Variants in ADAMTS17 observed in about 807,000 individuals in gnomAD.
ADAMTS17 encodes A disintegrin and metalloproteinase with thrombospondin motifs 17.
A neutral mutation model predicts 141.5 loss-of-function variants in ADAMTS17; 113 were observed. That is an observed-to-expected ratio of 0.80 (90% CI 0.69 to 0.93). ADAMTS17 has a LOEUF of 0.93. ADAMTS17 is among the 40% of genes least tolerant of loss of function. The probability of loss-of-function intolerance (pLI) is 0.00; values close to 1 mark genes in which losing one functional copy is unlikely to be tolerated. For missense variants in ADAMTS17, 1,659 were observed against 1,517.9 expected (o/e 1.09, Z -1.54); for synonymous variants, 768 against 630.6 (o/e 1.22, Z -3.27).
At chr15:100,299,631 G>A (rs911305166) in intron 3 of ADAMTS17, among the ~76,000 whole-genome samples, 9 of 152,180 alleles carry the variant, frequency 5.9e-5, no homozygotes, top group South Asian at 2.1e-4. Flanking sequence ...AGAAATCGAC[G>A]GCTTCTCTGC....
chr15:100,099,412 C>A (rs2054569), intron 14 of ADAMTS17, among the ~76,000 whole-genome samples: 22,249 of 152,114 alleles, frequency 0.15, 1,938 homozygotes, highest in Admixed American at 0.21. Flanking sequence ...ATGGAAGCTG[C>A]CATAGGACAC....
chr15:100,047,408 A>G (rs1397355199), intron 18 of ADAMTS17, among the ~76,000 whole-genome samples: 1 of 151,476 alleles, frequency 6.6e-6, no homozygotes, highest in African/African-American at 2.4e-5. Context: ...GAAAATCCCT[A>G]ATAAAAACTT....
intron 7 of ADAMTS17, among the ~76,000 whole-genome samples, chr15:100,223,737 TGTATGTGTATATATATATAC>T (rs2042211085): frequency 6.9e-6 from 1 of 144,034 alleles, no homozygotes; most frequent in African/African-American, 2.8e-5. Flanking sequence ...TATATACACA[TGTATGTGTATATATATATAC>T]ACACACACAT....
At chr15:100,122,157 C>G (rs1317499793) in intron 12 of ADAMTS17, among the ~76,000 whole-genome samples, 3 of 152,198 alleles carry the variant, frequency 2.0e-5, no homozygotes, top group African/African-American at 7.2e-5. Flanking sequence ...TGCTCTGCCT[C>G]AGACCTAAAG....
chr15:100,038,139 G>A (rs991835238), intron 18 of ADAMTS17, among the ~76,000 whole-genome samples: 2 of 152,184 alleles, frequency 1.3e-5, no homozygotes, highest in African/African-American at 4.8e-5. Context: ...TTTCTCCACT[G>A]ATTGCTGTTG....
At chr15:100,219,639 T>C (rs918845791) in intron 7 of ADAMTS17, among the ~76,000 whole-genome samples, 2 of 152,190 alleles carry the variant, frequency 1.3e-5, no homozygotes, top group African/African-American at 4.8e-5. Context: ...TTTCACCTTC[T>C]AGTTGGCTCA....
intron 15 of ADAMTS17, among the ~76,000 whole-genome samples, chr15:100,095,782 A>G (rs2035718344): frequency 6.6e-6 from 1 of 152,130 alleles, no homozygotes; most frequent in South Asian, 2.1e-4. Flanking sequence ...AAGCAGAAAG[A>G]TGAAGCCGGC....
chr15:100,005,811 G>A (rs1043979094), intron 18 of ADAMTS17, among the ~76,000 whole-genome samples: 1 of 152,152 alleles, frequency 6.6e-6, no homozygotes, highest in Non-Finnish European at 1.5e-5. Flanking sequence ...CAGTTTTGGA[G>A]GCCAGAAGTC....
At chr15:100,102,595 AGATCTACATTTGAAGGCCGACTGAAAGG>A (rs1310867462) in intron 14 of ADAMTS17, among the ~76,000 whole-genome samples, 2 of 148,658 alleles carry the variant, frequency 1.3e-5, no homozygotes, top group Non-Finnish European at 3.0e-5. Context: ...CTACTGAAGG[AGATCTACATTTGAAGGCCGACTGAAAGG>A]GATCCACATT....
chr15:100,100,396 C>A (rs2036023092), intron 14 of ADAMTS17, among the ~76,000 whole-genome samples: 1 of 152,180 alleles, frequency 6.6e-6, no homozygotes, highest in Non-Finnish European at 1.5e-5. Context: ...CTTAAGCCCA[C>A]TTCTCCCCTC....
Position 100,323,870 on chromosome 15 carries a change from T to G in ADAMTS17, c.616+7019A>C, listed in dbSNP as rs185781497. Among the ~76,000 whole-genome samples the G allele has an allele frequency of 4.4e-3, 675 of 152,018 alleles. 10 individuals carry two copies. Among genetic ancestry groups the G allele is most frequent in the Admixed American group, 0.039 (593 of 15,264 alleles). On this transcript the variant is annotated intron_variant, in intron 3 of 21. Coordinates refer to ENST00000268070, the MANE Select transcript of ADAMTS17 (RefSeq NM_139057.4). ...ACAGTATGCAGTTTATGACTATATA[T>G]CATAATCGCTATAAAAGTACAAAAA...
At chr15:100,081,052 C>T (rs2034700855) in intron 15 of ADAMTS17, among the ~76,000 whole-genome samples, 1 of 152,060 alleles carries the variant, frequency 6.6e-6, no homozygotes, top group South Asian at 2.1e-4. Context: ...GAGGGTGTTG[C>T]CAAAAGAGTT....
At position 99,993,104 on chromosome 15, in the gene ADAMTS17, C is replaced by T; in HGVS notation, c.2893G>A (p.Glu965Lys). 1.2e-6 allele frequency: 2 copies of T among 1,614,170 alleles called. No individual in the cohort carries two copies. Among genetic ancestry groups the T allele is most frequent in the East Asian group, 4.5e-5 (2 of 44,870 alleles). ...CAGCCTGAGTAGTCCTCGCAGGCCT[C>T]CTCGGCTCTCGGCCTCGTGGATGCG... is the stretch of plus-strand genomic sequence containing the variant. ...CDASTRPRAE[E>K]ACEDYSGCYE... Residue 965 changes from glutamate (E) to lysine (K), a missense_variant, in exon 20 of 22, where the codon GAG becomes AAG. Coordinates refer to ENST00000268070, the MANE Select transcript of ADAMTS17 (RefSeq NM_139057.4). The surrounding 1 kb of genome is among the most constrained non-coding windows in gnomAD (Gnocchi z 4.3).
intron 7 of ADAMTS17, among the ~76,000 whole-genome samples, chr15:100,209,806 A>G (rs956587598): frequency 6.6e-6 from 1 of 152,150 alleles, no homozygotes; most frequent in Non-Finnish European, 1.5e-5. Flanking sequence ...GGGTGAAGGT[A>G]TGTCCCTGTT....
intron 13 of ADAMTS17, among the ~76,000 whole-genome samples, chr15:100,109,986 A>C (rs556263580): frequency 6.6e-6 from 1 of 151,928 alleles, no homozygotes; most frequent in East Asian, 1.9e-4. Flanking sequence ...GGCACCTCCC[A>C]TATCTGAAGG....
intron 3 of ADAMTS17, among the ~76,000 whole-genome samples, chr15:100,325,048 T>C (rs2045857135): frequency 6.6e-6 from 1 of 152,228 alleles, no homozygotes; most frequent in South Asian, 2.1e-4. Context: ...GGCCCACTTC[T>C]AGTTTCCTGT....
intron 7 of ADAMTS17, among the ~76,000 whole-genome samples, chr15:100,223,797 G>A (rs902462255): frequency 5.3e-5 from 8 of 151,816 alleles, no homozygotes; most frequent in Non-Finnish European, 8.8e-5. Context: ...CTGTGTGGGT[G>A]TATATATATG....
intron 20 of ADAMTS17, among the ~76,000 whole-genome samples, chr15:99,986,353 A>G (rs1194701659): frequency 6.6e-6 from 1 of 152,266 alleles, no homozygotes; most frequent in Non-Finnish European, 1.5e-5. Flanking sequence ...GCACACAGAC[A>G]TAGCAAAATA....
Position 100,236,616 on chromosome 15 carries a change from T to A in ADAMTS17, c.1075+17520A>T, listed in dbSNP as rs910215858. ...AGCTTGGGAGGCTGAGACAGGAGGATCACTAGAGGCCAGGAGGTTGAGACC... is the reference window on the plus strand; with the variant it reads ...AGCTTGGGAGGCTGAGACAGGAGGAACACTAGAGGCCAGGAGGTTGAGACC... On this transcript the variant is annotated intron_variant, in intron 7 of 21. Coordinates refer to ENST00000268070, the MANE Select transcript of ADAMTS17 (RefSeq NM_139057.4). Among the ~76,000 whole-genome samples, 8 of 152,212 alleles carry A rather than the reference T, an allele frequency of 5.3e-5. No homozygotes were observed. In the East Asian group the frequency reaches 1.5e-3, roughly 29 times the overall value.
Sources: allele counts gnomAD v4.1 joint callset (sites outside exome capture counted in the v4.1 genomes callset), GRCh38; gene constraint gnomAD v4.1.1; non-coding constraint Gnocchi (gnomAD v3.1); transcripts MANE v1.5; gene names NCBI Gene and HGNC (gene_info 2026-07-23, HGNC 2026-07-21).